Variants in ZNF248 observed in about 807,000 individuals in gnomAD.
The protein encoded by ZNF248 is zinc finger protein 248, also known as KRAB protein domain.
A neutral mutation model predicts 44.3 loss-of-function variants in ZNF248; 20 were observed. The ratio of observed to expected loss-of-function variants is 0.45; its 90% CI spans 0.32 to 0.66. The LOEUF (loss-of-function observed/expected upper bound fraction) is 0.66, where lower values mean the gene tolerates loss of function less well. Ranked by LOEUF, ZNF248 falls within the 30% of genes least tolerant of loss-of-function variation. The pLI is 0.04. For missense variants in ZNF248, 654 were observed against 677.0 expected, an observed-to-expected ratio of 0.97 and a Z score of 0.38; for synonymous variants, 224 against 229.0, an observed-to-expected ratio of 0.98 and a Z score of 0.20.
chr10:37,825,746 AT>A (rs1332260194), downstream of ZNF248, among the ~76,000 whole-genome samples: 1 of 152,096 alleles, frequency 6.6e-6, no homozygotes, highest in African/African-American at 2.4e-5. Context: ...CAGCCGTCAC[AT>A]TTCCAAACTT....
upstream of ZNF248, chr10:37,857,818 A>AC: frequency 6.6e-6 from 1 of 152,416 alleles, no homozygotes; most frequent in Non-Finnish European, 1.5e-5. Flanking sequence ...ACGCATACGG[A>AC]CCCCCGGGAG....
At chr10:37,803,141 G>C (rs2050035475) in intron 6 of ZNF248, 1 of 152,094 alleles carries the variant, frequency 6.6e-6, no homozygotes, top group African/African-American at 2.4e-5. Context: ...GTTATTTTCT[G>C]AGTATGCCAC....
chr10:37,830,973 A>C lies in ZNF248; in HGVS notation c.*642T>G, dbSNP rs945299510. On this transcript the variant is annotated 3_prime_UTR_variant, in exon 6 of 6. Coordinates refer to ENST00000395867, the MANE Select transcript of ZNF248 (RefSeq NM_021045.3). ...TAAAATTTAACAATCAGAACTTTTA[A>C]GTCAGTATGAGGTTATACTAGCACA... 19 of 544,674 alleles carry C rather than the reference A, an allele frequency of 3.5e-5. No individual in the cohort carries two copies. Among genetic ancestry groups the C allele is most frequent in the African/African-American group, 6.0e-5 (3 of 50,080 alleles). The allele number at this position is 544,674 out of a possible 1,614,324, so 33.7% of individuals were successfully genotyped here.
At chr10:37,845,923 T>C (rs773308119) in intron 3 of ZNF248, among the ~76,000 whole-genome samples, 7 of 152,158 alleles carry the variant, frequency 4.6e-5, no homozygotes, top group Non-Finnish European at 7.3e-5. Flanking sequence ...TCAGGATGAA[T>C]ATGTGGAATA....
Position 37,838,127 on chromosome 10 carries a change from C to A in ZNF248, c.16-16G>T, listed in dbSNP as rs2057600798. On this transcript the variant is annotated splice_polypyrimidine_tract_variant and intron_variant, in intron 3 of 5. Transcript: ENST00000395867. ...ACACTTGTTCCTGTAATAGTATACT[C>A]TTTTTACATGAAATGGTCAGAACTA... The A allele has an allele frequency of 2.5e-6, 4 of 1,602,916 alleles. No individual in the cohort carries two copies. Among genetic ancestry groups the A allele is most frequent in the Middle Eastern group, 1.7e-4 (1 of 5,986 alleles).
the ZNF248 span, among the ~76,000 whole-genome samples, chr10:37,765,752 C>G: frequency 4.2e-5 from 6 of 144,106 alleles, no homozygotes; most frequent in East Asian, 1.9e-4. Flanking sequence ...GAGTGCCAGA[C>G]AGTGGGTGCA....
At chr10:37,826,754 CT>C (rs1434535930), downstream of ZNF248, among the ~76,000 whole-genome samples, 1 of 152,116 alleles carries the variant, frequency 6.6e-6, no homozygotes, top group Non-Finnish European at 1.5e-5. Context: ...ACTTAAAACT[CT>C]CCGGCTATGC....
chr10:37,789,200 A>G (rs1228778369), intron 6 of ZNF248, among the ~76,000 whole-genome samples: 1 of 152,054 alleles, frequency 6.6e-6, no homozygotes, highest in African/African-American at 2.4e-5. Flanking sequence ...GTAAAATTGG[A>G]TTGTGGCGAT....
chr10:37,801,150 G>A (rs1222366718), intron 6 of ZNF248, among the ~76,000 whole-genome samples: 1 of 151,938 alleles, frequency 6.6e-6, no homozygotes, highest in African/African-American at 2.4e-5. Flanking sequence ...GCTGAGGCAG[G>A]CAGATAATGA....
chr10:37,790,736 T>TAA (rs1380549614), intron 6 of ZNF248, among the ~76,000 whole-genome samples: 6 of 127,450 alleles, frequency 4.7e-5, no homozygotes, highest in East Asian at 4.1e-4. Flanking sequence ...AAATAAATAA[T>TAA]TTTTTAAAAA....
chr10:37,845,042 G>T (rs2059085158), intron 3 of ZNF248, among the ~76,000 whole-genome samples: 1 of 50,434 alleles, frequency 2.0e-5, no homozygotes, highest in Non-Finnish European at 4.3e-5. Context: ...GGAGATGGGG[G>T]TCTCACTCTG....
rs2057603066 is a variant in ZNF248 at position 37,838,131 on chromosome 10, T to A, written c.16-20A>T. 6.2e-7 allele frequency: 1 copy of A among 1,601,556 alleles called. No homozygotes were observed. Among genetic ancestry groups the A allele is most frequent in the East Asian group, 2.2e-5 (1 of 44,626 alleles). On this transcript the variant is annotated intron_variant, in intron 3 of 5. Transcript: ENST00000395867. ...TTGTTCCTGTAATAGTATACTCTTTTTACATGAAATGGTCAGAACTAGATG... is the reference window on the plus strand; with the variant it reads ...TTGTTCCTGTAATAGTATACTCTTTATACATGAAATGGTCAGAACTAGATG...
chr10:37,781,170 G>T (rs887016126), intron 6 of ZNF248, among the ~76,000 whole-genome samples: 3 of 152,192 alleles, frequency 2.0e-5, no homozygotes, highest in African/African-American at 7.2e-5. Context: ...GGTATATCCA[G>T]ATGTCTATGG....
chr10:37,768,560 T>A, the ZNF248 span, among the ~76,000 whole-genome samples: 1 of 152,246 alleles, frequency 6.6e-6, no homozygotes, highest in South Asian at 2.1e-4. Context: ...ATAAAGATGT[T>A]CTTTCAAACC....
chr10:37,826,119 A>G (rs1417366268), downstream of ZNF248, among the ~76,000 whole-genome samples: 2 of 152,212 alleles, frequency 1.3e-5, no homozygotes, highest in African/African-American at 4.8e-5. Context: ...ACTAACATGG[A>G]AAACTGGTAA....
At chr10:37,781,782 C>T (rs761856204) in intron 6 of ZNF248, among the ~76,000 whole-genome samples, 1 of 152,174 alleles carries the variant, frequency 6.6e-6, no homozygotes, top group Non-Finnish European at 1.5e-5. Context: ...GACTAATTGG[C>T]CTGAGTGGGA....
chr10:37,808,915 C>T (rs2051030912), intron 6 of ZNF248, among the ~76,000 whole-genome samples: 1 of 151,670 alleles, frequency 6.6e-6, no homozygotes, highest in Non-Finnish European at 1.5e-5. Context: ...TAATTATGTA[C>T]CTACATAATT....
At chr10:37,780,746 C>G (rs983203911) in intron 6 of ZNF248, among the ~76,000 whole-genome samples, 1 of 152,268 alleles carries the variant, frequency 6.6e-6, no homozygotes, top group East Asian at 1.9e-4. Context: ...GGCCACCCTC[C>G]GACTCACAGG....
intron 6 of ZNF248, among the ~76,000 whole-genome samples, chr10:37,797,232 G>C (rs1209938352): frequency 6.6e-6 from 1 of 150,920 alleles, no homozygotes; most frequent in Non-Finnish European, 1.5e-5. Flanking sequence ...CAAAGATCTA[G>C]ATATGTTTCA....
Sources: allele counts gnomAD v4.1 joint callset (sites outside exome capture counted in the v4.1 genomes callset), GRCh38; gene constraint gnomAD v4.1.1; transcripts MANE v1.5; gene names NCBI Gene and HGNC (gene_info 2026-07-23, HGNC 2026-07-21).